RABGAP1L: variants seen among roughly 807,000 people sequenced by gnomAD.
The protein encoded by RABGAP1L is RAB GTPase activating protein 1 like, also known as rab GTPase-activating protein 1-like.
In RABGAP1L, 63 loss-of-function variants were observed where a neutral mutation model predicts 137.7. The ratio of observed to expected loss-of-function variants is 0.46; its 90% CI spans 0.37 to 0.56. The LOEUF (loss-of-function observed/expected upper bound fraction) is 0.56. Among genes scored for constraint, RABGAP1L ranks in the 20% least tolerant of loss-of-function variants. The pLI is 0.00. For synonymous variants in RABGAP1L, 431 were observed against 433.7 expected, an observed-to-expected ratio of 0.99 and a Z score of 0.08; for missense variants, 1,095 against 1,244.0, an observed-to-expected ratio of 0.88 and a Z score of 1.80.
At chr1:174,410,908 G>C (rs1187986352) in intron 13 of RABGAP1L, among the ~76,000 whole-genome samples, 1 of 152,010 alleles carries the variant, frequency 6.6e-6, no homozygotes, top group Non-Finnish European at 1.5e-5. Flanking sequence ...TGTCATTTCA[G>C]ATTTATTTGA....
intron 18 of RABGAP1L, among the ~76,000 whole-genome samples, chr1:174,757,858 T>C (rs1189023658): frequency 1.3e-5 from 2 of 151,986 alleles, no homozygotes; most frequent in Admixed American, 6.6e-5. Flanking sequence ...ACCCCGTCTC[T>C]ACTAAAAATA....
intron 14 of RABGAP1L, among the ~76,000 whole-genome samples, chr1:174,647,452 C>G (rs1446487071): frequency 6.6e-6 from 1 of 152,060 alleles, no homozygotes; most frequent in South Asian, 2.1e-4. Flanking sequence ...CTTTCCGCAT[C>G]TATTGAGATA....
intron 19 of RABGAP1L, among the ~76,000 whole-genome samples, chr1:174,931,358 G>A (rs562492913): frequency 6.6e-6 from 1 of 152,294 alleles, no homozygotes; most frequent in South Asian, 2.1e-4. Context: ...AATAAGGGAA[G>A]TCATTCCTTA....
rs140002796 is a variant in RABGAP1L at position 174,261,820 on chromosome 1, G to C, written c.986+9230G>C. On this transcript the variant is annotated intron_variant, in intron 7 of 25. Transcript: ENST00000681986. ...GTTGCCTAGATGTCAGTCTGATTTG[G>C]ATGTTTTATTCTCTTATGTGAATTA... Among the ~76,000 whole-genome samples the C allele has an allele frequency of 6.8e-4, 104 of 152,210 alleles. 1 individual carries two copies. Among genetic ancestry groups the C allele is most frequent in the African/African-American group, 2.3e-3 (95 of 41,522 alleles).
At chr1:174,653,728 A>C (rs80128278) in intron 14 of RABGAP1L, among the ~76,000 whole-genome samples, 1 of 152,202 alleles carries the variant, frequency 6.6e-6, no homozygotes. Context: ...TGCCAGCCCT[A>C]TGTATCATAT....
At chr1:174,525,103 T>C (rs1168922513) in intron 13 of RABGAP1L, among the ~76,000 whole-genome samples, 1 of 152,172 alleles carries the variant, frequency 6.6e-6, no homozygotes, top group African/African-American at 2.4e-5. Context: ...TTCTTTTTGC[T>C]CAGGATTGCT....
chr1:174,871,773 C>A (rs768958416), intron 19 of RABGAP1L, among the ~76,000 whole-genome samples: 18 of 152,052 alleles, frequency 1.2e-4, no homozygotes, highest in Non-Finnish European at 2.5e-4. Context: ...ATTAATGTAT[C>A]GTTATTTGTA....
At chr1:174,754,054 T>C (rs1004233385) in intron 18 of RABGAP1L, among the ~76,000 whole-genome samples, 13 of 152,234 alleles carry the variant, frequency 8.5e-5, no homozygotes, top group Admixed American at 2.0e-4. Flanking sequence ...CTTGTTCATA[T>C]TATTTTCATT....
At chr1:174,615,742 T>A (rs1227190604) in intron 13 of RABGAP1L, among the ~76,000 whole-genome samples, 1 of 152,218 alleles carries the variant, frequency 6.6e-6, no homozygotes, top group Non-Finnish European at 1.5e-5. Context: ...CAGTTCGAGC[T>A]TCCCGGCTGC....
At chr1:174,278,550 C>CT in intron 9 of RABGAP1L, 63 bp from the exon 10 acceptor site, 1 of 1,338,576 alleles carries the variant, frequency 7.5e-7, no homozygotes, top group Non-Finnish European at 1.0e-6. Context: ...AGTGAGGAAA[C>CT]TTTGTTTAAA....
In RABGAP1L at chr1:174,643,226, A is replaced by G. The variant is rs1291799685; in HGVS notation, c.1824+5738A>G. ...GTGATGATAGGTGTTCCTGGATCAG[A>G]TGGATCCAAAAGGATTTAGTTTGGA... On this transcript the variant is annotated intron_variant, in intron 14 of 25. Transcript: ENST00000681986. Among the ~76,000 whole-genome samples the G allele has an allele frequency of 3.9e-5, 6 of 152,290 alleles. No individual in the cohort carries two copies. In the East Asian group the frequency reaches 1.2e-3, roughly 29 times the overall value.
intron 17 of RABGAP1L, among the ~76,000 whole-genome samples, chr1:174,746,049 T>G (rs186704650): frequency 1.2e-3 from 184 of 152,362 alleles, no homozygotes; most frequent in African/African-American, 4.2e-3. Context: ...TTCTCAGTGC[T>G]GTCAGCTTAA....
chr1:174,528,898 CTTTTTTATTT>C (rs1558311268), intron 13 of RABGAP1L, among the ~76,000 whole-genome samples: 1 of 149,840 alleles, frequency 6.7e-6, no homozygotes, highest in Non-Finnish European at 1.5e-5. Context: ...CTTTTTTATT[CTTTTTTATTT>C]TTGGTCTGTG....
intron 10 of RABGAP1L, among the ~76,000 whole-genome samples, chr1:174,282,467 TTTTG>T (rs1217058847): frequency 2.0e-5 from 3 of 152,152 alleles, no homozygotes; most frequent in African/African-American, 4.8e-5. Context: ...TTTGTCCACT[TTTTG>T]TTTGTCTTAC....
intron 13 of RABGAP1L, among the ~76,000 whole-genome samples, chr1:174,604,320 G>A (rs1670625372): frequency 6.6e-6 from 1 of 152,182 alleles, no homozygotes; most frequent in Non-Finnish European, 1.5e-5. Context: ...TGCTGTGACA[G>A]ATAGCACTGA....
At chr1:174,859,140 G>A (rs537280555) in intron 19 of RABGAP1L, among the ~76,000 whole-genome samples, 50 of 152,230 alleles carry the variant, frequency 3.3e-4, no homozygotes, top group African/African-American at 1.1e-3. Context: ...ATTCACAATA[G>A]CAAAGACATG....
chr1:174,758,504 A>G (rs546750532), intron 18 of RABGAP1L, among the ~76,000 whole-genome samples: 1 of 151,850 alleles, frequency 6.6e-6, no homozygotes, highest in Admixed American at 6.6e-5. Flanking sequence ...ATGCTTTTGC[A>G]TACCCATAGC....
chr1:174,546,751 C>G (rs770612887), intron 13 of RABGAP1L, among the ~76,000 whole-genome samples: 31 of 152,166 alleles, frequency 2.0e-4, no homozygotes, highest in Non-Finnish European at 3.4e-4. Flanking sequence ...AAGCAGTTGG[C>G]CGGGCGCGGT....
chr1:174,955,602 A>G (rs1187657886), intron 19 of RABGAP1L, among the ~76,000 whole-genome samples: 3 of 152,228 alleles, frequency 2.0e-5, no homozygotes, highest in African/African-American at 7.2e-5. Flanking sequence ...TCTAAATACC[A>G]TATTTTAAAC....
Sources: allele counts gnomAD v4.1 joint callset (sites outside exome capture counted in the v4.1 genomes callset), GRCh38; gene constraint gnomAD v4.1.1; transcripts MANE v1.5; gene names NCBI Gene and HGNC (gene_info 2026-07-23, HGNC 2026-07-21).